The following TBC1D22A variants were observed in gnomAD, a reference collection of about 807,000 sequenced individuals.
The protein encoded by TBC1D22A is putative GTPase activator.
Under a neutral mutation model 60.2 loss-of-function variants are expected in TBC1D22A, and 38 were observed. The ratio of observed to expected loss-of-function variants is 0.63; its 90% CI spans 0.49 to 0.83. The LOEUF (loss-of-function observed/expected upper bound fraction) is 0.83. Ranked by LOEUF, TBC1D22A falls within the 40% of genes least tolerant of loss-of-function variation. The pLI is 0.00. For missense variants in TBC1D22A, 628 were observed against 701.0 expected, an observed-to-expected ratio of 0.90 and a Z score of 1.18; for synonymous variants, 302 against 281.7, an observed-to-expected ratio of 1.07 and a Z score of -0.72.
chr22:46,912,087 T>G lies in TBC1D22A; in HGVS notation c.914T>G (p.Ile305Ser). 6.2e-7 allele frequency: 1 copy of G among 1,613,382 alleles called. No individual in the cohort carries two copies. The highest frequency in any genetic ancestry group is 8.5e-7 in the Non-Finnish European group (1 of 1,179,768). ...QPKVTEIFER[I>S]LFIWAIRHPA... is the part of the protein sequence containing the mutation. ...ATTTTCTTTCAGATTTTTGAAAGGA[T>G]CTTGTTCATATGGGCGATCCGCCAC... The change falls in exon 8 of 13, where the codon ATC becomes AGC. Residue 305 changes from isoleucine to serine, a missense_variant. Coordinates refer to ENST00000337137, the MANE Select transcript of TBC1D22A (RefSeq NM_014346.5).
intron 4 of TBC1D22A, among the ~76,000 whole-genome samples, chr22:46,835,669 T>C (rs1383340922): frequency 1.3e-5 from 2 of 152,184 alleles, no homozygotes; most frequent in African/African-American, 4.8e-5. Context: ...AGAAAGCTTC[T>C]TTAAAGAAAT....
rs35269996 is a variant in TBC1D22A at position 47,079,084 on chromosome 22, C to CT, written c.1330-32404dup. ...TGGGTAAGTGAGAATGTAGAGCAGA[C>CT]TTTTTTTTTTTTTTTTTTTTGAGAC... On this transcript the variant is annotated intron_variant, in intron 11 of 12. Transcript: ENST00000337137. Among the ~76,000 whole-genome samples, 1,001 of 124,906 alleles carry CT rather than the reference C, an allele frequency of 8.0e-3. 20 individuals are homozygous for CT. Among genetic ancestry groups the CT allele is most frequent in the African/African-American group, 0.015 (485 of 33,448 alleles). 81.9% of individuals were successfully genotyped at this position (124,906 alleles called of 152,430 possible).
At chr22:46,842,724 C>T (rs2086824049) in intron 4 of TBC1D22A, among the ~76,000 whole-genome samples, 1 of 152,236 alleles carries the variant, frequency 6.6e-6, no homozygotes. Context: ...TCTCCAGGGC[C>T]CTTTGGCAGT....
chr22:46,784,251 C>A (rs988712123), intron 1 of TBC1D22A, among the ~76,000 whole-genome samples: 2 of 152,038 alleles, frequency 1.3e-5, no homozygotes, highest in East Asian at 3.9e-4. Flanking sequence ...ACTATGTTGC[C>A]CAGGCTAGTC....
At chr22:46,874,562 CTTTTTTTTTTTTTTTT>C (rs747481407) in intron 4 of TBC1D22A, among the ~76,000 whole-genome samples, 12 of 40,780 alleles carry the variant, frequency 2.9e-4, no homozygotes, top group African/African-American at 4.2e-4. Flanking sequence ...ACAGGTATGT[CTTTTTTTTTTTTTTTT>C]TTTTTTTTTT....
chr22:46,941,182 A>G (rs1168775860), intron 8 of TBC1D22A, among the ~76,000 whole-genome samples: 1 of 111,086 alleles, frequency 9.0e-6, no homozygotes, highest in Non-Finnish European at 1.8e-5. Flanking sequence ...CTGGGACACT[A>G]GAATATATAT....
chr22:47,082,446 T>G (rs1299543635), intron 11 of TBC1D22A, among the ~76,000 whole-genome samples: 1 of 152,072 alleles, frequency 6.6e-6, no homozygotes, highest in Non-Finnish European at 1.5e-5. Flanking sequence ...ATCTGAATAG[T>G]CAAAGGACAG....
chr22:47,030,409 G>T (rs1288752053), intron 10 of TBC1D22A, among the ~76,000 whole-genome samples: 1 of 152,204 alleles, frequency 6.6e-6, no homozygotes, highest in East Asian at 1.9e-4. Context: ...CAATGTGCTT[G>T]CATAATTTAT....
intron 12 of TBC1D22A, among the ~76,000 whole-genome samples, chr22:47,123,072 C>T (rs1393993454): frequency 6.6e-6 from 1 of 152,150 alleles, no homozygotes; most frequent in Non-Finnish European, 1.5e-5. Context: ...TTATTAATGA[C>T]GATGAGGTCT....
At chr22:46,828,830 C>T (rs1176978476) in intron 4 of TBC1D22A, among the ~76,000 whole-genome samples, 1 of 152,234 alleles carries the variant, frequency 6.6e-6, no homozygotes, top group African/African-American at 2.4e-5. Flanking sequence ...CACATGTGCA[C>T]ACACAGATAC....
At chr22:47,097,202 G>C (rs923356133) in intron 11 of TBC1D22A, among the ~76,000 whole-genome samples, 1 of 71,434 alleles carries the variant, frequency 1.4e-5, no homozygotes, top group African/African-American at 7.3e-5. Context: ...TCTTCACCTT[G>C]TCGTTTTGTC....
At chr22:46,983,495 C>T (rs2074595869) in intron 9 of TBC1D22A, among the ~76,000 whole-genome samples, 1 of 152,120 alleles carries the variant, frequency 6.6e-6, no homozygotes, top group South Asian at 2.1e-4. Context: ...GGGCTTTCTG[C>T]CCATTTGCCT....
intron 10 of TBC1D22A, among the ~76,000 whole-genome samples, chr22:47,013,888 C>T (rs1204484379): frequency 1.3e-5 from 2 of 152,232 alleles, no homozygotes; most frequent in Non-Finnish European, 2.9e-5. Flanking sequence ...CCTCCCTCTG[C>T]AGTCAGAGGT....
Position 46,968,492 on chromosome 22 carries a change from C to T in TBC1D22A, c.1016-5798C>T, listed in dbSNP as rs558609329. Among the ~76,000 whole-genome samples, 6 of 149,482 alleles carry T rather than the reference C, an allele frequency of 4.0e-5. No homozygotes were observed. In the East Asian group the frequency reaches 7.7e-4, roughly 19 times the overall value. ...TTGTCAGTTGGTGGGCAGGCGTCCT[C>T]ACTGCGTGGCCGGCGGTCCTGAGTG... On this transcript the variant is annotated intron_variant, in intron 8 of 12. Coordinates refer to ENST00000337137, the MANE Select transcript of TBC1D22A (RefSeq NM_014346.5).
At chr22:46,908,056 T>C (rs972001781) in intron 7 of TBC1D22A, among the ~76,000 whole-genome samples, 4 of 151,788 alleles carry the variant, frequency 2.6e-5, no homozygotes, top group African/African-American at 7.3e-5. Context: ...TGCTCAGGAG[T>C]GCATTGTCTC....
intron 12 of TBC1D22A, among the ~76,000 whole-genome samples, chr22:47,129,899 A>G (rs1379532990): frequency 2.6e-5 from 4 of 152,170 alleles, no homozygotes; most frequent in Non-Finnish European, 5.9e-5. Flanking sequence ...GTCTCTCTCA[A>G]TGCTGTTCTT....
intron 4 of TBC1D22A, among the ~76,000 whole-genome samples, chr22:46,826,085 G>C (rs1312315101): frequency 6.6e-6 from 1 of 152,048 alleles, no homozygotes; most frequent in Admixed American, 6.5e-5. Flanking sequence ...GTTTCACCGT[G>C]TTAGCCATGA....
intron 12 of TBC1D22A, among the ~76,000 whole-genome samples, chr22:47,152,830 G>A (rs779536407): frequency 3.3e-5 from 5 of 152,188 alleles, no homozygotes; most frequent in African/African-American, 9.6e-5. Context: ...GTGACCCTTC[G>A]GGGGAGACGC....
intron 4 of TBC1D22A, among the ~76,000 whole-genome samples, chr22:46,873,676 T>C (rs9627597): frequency 0.2 from 29,775 of 152,198 alleles, 4,233 homozygotes; most frequent in African/African-American, 0.4. Flanking sequence ...TCCCATCCTC[T>C]GCCCTCCAGT....
Sources: gnomAD v4.1 joint callset for allele counts (sites outside exome capture counted in the v4.1 genomes callset) on GRCh38, gnomAD v4.1.1 for gene constraint, MANE v1.5 for transcripts, NCBI Gene and HGNC (gene_info 2026-07-23, HGNC 2026-07-21) for gene names.